The following SANBR variants were observed in gnomAD, a reference collection of about 807,000 sequenced individuals.
The protein encoded by SANBR is SANT and BTB domain regulator of class switch recombination.
A neutral mutation model predicts 101.8 loss-of-function variants in SANBR; 77 were observed. The ratio of observed to expected loss-of-function variants is 0.76; its 90% CI spans 0.63 to 0.91. The LOEUF (loss-of-function observed/expected upper bound fraction) is 0.91, where lower values mean the gene tolerates loss of function less well. Among genes scored for constraint, SANBR ranks in the 40% least tolerant of loss-of-function variants. SANBR has a pLI of 0.00. For synonymous variants in SANBR, 279 were observed against 274.7 expected (o/e 1.02, Z -0.15); for missense variants, 875 against 853.0 (o/e 1.03, Z -0.32).
At chr2:61,131,233 A>G (rs1353967452) in intron 20 of SANBR, among the ~76,000 whole-genome samples, 3 of 152,172 alleles carry the variant, frequency 2.0e-5, no homozygotes, top group East Asian at 3.9e-4. Context: ...CATAAAATGC[A>G]TCTAAATTGG....
At position 61,078,777 on chromosome 2, in the gene SANBR, A is replaced by G. The variant is rs562770698; in HGVS notation, c.670+1619A>G. ...TTTTAGGCAGGGCATGGTGGCTCAC[A>G]CTGGTAGTCCCAGCACTTTGACAGG... On this transcript the variant is annotated intron_variant, in intron 6 of 21. Transcript: ENST00000402291. Among the ~76,000 whole-genome samples the G allele has an allele frequency of 4.1e-4, 63 of 151,966 alleles. 1 individual carries two copies. In the South Asian group the frequency reaches 0.013, roughly 32 times the overall value.
intron 20 of SANBR, 113 bp downstream of exon 20, chr2:61,118,229 G>GTGTT (rs571068965): frequency 1.1e-4 from 78 of 697,726 alleles, no homozygotes; most frequent in Non-Finnish European, 1.3e-4. Context: ...AGTAATTTAT[G>GTGTT]TGTTTGTTTG....
At chr2:61,104,442 A>AT (rs1683449978) in intron 13 of SANBR, among the ~76,000 whole-genome samples, 2 of 151,464 alleles carry the variant, frequency 1.3e-5, no homozygotes, top group Non-Finnish European at 2.9e-5. Flanking sequence ...AGATCGTGCC[A>AT]CTGCACTCCA....
chr2:61,109,126 G>A lies in SANBR; in HGVS notation c.1645-71G>A, dbSNP rs578119032. On this transcript the variant is annotated intron_variant, in intron 15 of 21. Transcript: ENST00000402291. ...ACTGATTCATTCAAAAGAAATTTAG[G>A]TAAATATGTTTGAAAGAATTCAATA... 87 of 733,544 alleles carry A rather than the reference G, an allele frequency of 1.2e-4. No individual in the cohort carries two copies. In the African/African-American group the frequency reaches 1.3e-3, roughly 11 times the overall value. 45.4% of individuals were successfully genotyped at this position (733,544 alleles called of 1,614,324 possible). A position where few individuals can be genotyped will look rare whatever the true frequency, so the allele number is the denominator to read the frequency against.
At chr2:61,081,644 C>T in intron 7 of SANBR, 134 bp downstream of exon 7, 1 of 1,018,844 alleles carries the variant, frequency 9.8e-7, no homozygotes, top group Non-Finnish European at 1.4e-6. Flanking sequence ...ATTGTTAATT[C>T]AGGAATATAA....
chr2:61,092,938 C>G (rs1039000358), intron 11 of SANBR, among the ~76,000 whole-genome samples: 12 of 152,074 alleles, frequency 7.9e-5, no homozygotes, highest in Middle Eastern at 3.4e-3. Context: ...TCAAGACCAT[C>G]CTATCTAACA....
chr2:61,095,107 C>T (rs1682969676), intron 11 of SANBR, among the ~76,000 whole-genome samples: 1 of 152,158 alleles, frequency 6.6e-6, no homozygotes, highest in South Asian at 2.1e-4. Flanking sequence ...TTGATATAGT[C>T]AGGTTTGGGT....
At chr2:61,096,888 T>C (rs1173122306) in intron 11 of SANBR, among the ~76,000 whole-genome samples, 1 of 152,214 alleles carries the variant, frequency 6.6e-6, no homozygotes, top group Non-Finnish European at 1.5e-5. Flanking sequence ...GCATGGTGGC[T>C]CACGCCTGTA....
chr2:61,089,162 T>C, intron 10 of SANBR: 1 of 985,078 alleles, frequency 1.0e-6, no homozygotes, highest in Non-Finnish European at 1.2e-6. Context: ...AGGAAAATTG[T>C]CTTTAGCATT....
In SANBR at chr2:61,116,016, A is replaced by G. The variant is rs1463435274; in HGVS notation, c.1782A>G (p.Pro594=). The G allele has an allele frequency of 4.3e-6, 7 of 1,611,664 alleles. No homozygotes were observed. The highest frequency in any genetic ancestry group is 5.9e-6 in the Non-Finnish European group (7 of 1,178,906). ...KEKPKKFTRQ[P]KKQVSSPCAQ... is the part of the protein sequence containing the mutation. The stretch of plus-strand genomic sequence containing the variant: ...AGCCAAAGAAGTTCACTAGACAACC[A>G]AAAAAGCAGGTATCTTCACCCTGTG... The change falls in exon 17 of 22, where the codon CCA becomes CCG. Residue 594 remains proline (P), a synonymous_variant. Transcript: ENST00000402291.
chr2:61,098,152 G>A (rs1465964058), intron 12 of SANBR, among the ~76,000 whole-genome samples: 1 of 150,222 alleles, frequency 6.7e-6, no homozygotes, highest in African/African-American at 2.4e-5. Flanking sequence ...TGCCCAGGGT[G>A]GAGTGCAGTG....
At chr2:61,084,177 C>T (rs1161489608) in intron 8 of SANBR, among the ~76,000 whole-genome samples, 3 of 152,136 alleles carry the variant, frequency 2.0e-5, no homozygotes, top group Non-Finnish European at 4.4e-5. Flanking sequence ...TGGTCTTGAA[C>T]TCCTGGGCTC....
chr2:61,125,652 T>G (rs1239346243), downstream of SANBR, among the ~76,000 whole-genome samples: 1 of 152,324 alleles, frequency 6.6e-6, no homozygotes, highest in East Asian at 1.9e-4. Flanking sequence ...AGTTTGCTTC[T>G]TACTATTTGT....
chr2:61,125,852 A>G (rs1165829733), downstream of SANBR, among the ~76,000 whole-genome samples: 3 of 152,114 alleles, frequency 2.0e-5, no homozygotes, highest in Non-Finnish European at 4.4e-5. Context: ...ACATTCAGTG[A>G]GGCATAGTAA....
In SANBR at chr2:61,123,332, C is replaced by T; in HGVS notation, c.*1170C>T. On this transcript the variant is annotated 3_prime_UTR_variant, in exon 22 of 22. Coordinates refer to ENST00000402291, the MANE Select transcript of SANBR (RefSeq NM_001129993.3). ...ATAATGTGTGACAAAAGAGCAATTTCCATTGAAATATTGAAGTGTTACACT... is the reference window on the plus strand; with the variant it reads ...ATAATGTGTGACAAAAGAGCAATTTTCATTGAAATATTGAAGTGTTACACT... The T allele has an allele frequency of 1.0e-6, 1 of 978,056 alleles. No homozygotes were observed. The highest frequency in any genetic ancestry group is 1.2e-6 in the Non-Finnish European group (1 of 823,264). The allele number at this position is 978,056 out of a possible 1,614,324, so 60.6% of individuals were successfully genotyped here.
At chr2:61,079,247 G>T (rs1407928819) in intron 6 of SANBR, among the ~76,000 whole-genome samples, 1 of 152,104 alleles carries the variant, frequency 6.6e-6, no homozygotes, top group Non-Finnish European at 1.5e-5. Context: ...GAGATCAAAA[G>T]TTCAAGAGCC....
intron 14 of SANBR, among the ~76,000 whole-genome samples, chr2:61,107,469 T>G (rs1352660442): frequency 1.3e-5 from 2 of 152,230 alleles, no homozygotes; most frequent in Non-Finnish European, 1.5e-5. Context: ...GACTCCTTTT[T>G]ATTCCTTTGC....
At chr2:61,103,717 A>T in intron 12 of SANBR, 136 bp from the exon 13 acceptor site, 1 of 722,598 alleles carries the variant, frequency 1.4e-6, no homozygotes, top group Non-Finnish European at 2.3e-6. Flanking sequence ...TTTCTGTATG[A>T]GGAATGTTTT....
chr2:61,075,419 G>A (rs1681715040), intron 5 of SANBR, among the ~76,000 whole-genome samples: 1 of 151,768 alleles, frequency 6.6e-6, no homozygotes, highest in African/African-American at 2.4e-5. Context: ...CACCATGCCG[G>A]CTAATTTTTA....
Sources: gnomAD v4.1 joint callset for allele counts (sites outside exome capture counted in the v4.1 genomes callset) on GRCh38, gnomAD v4.1.1 for gene constraint, MANE v1.5 for transcripts, NCBI Gene and HGNC (gene_info 2026-07-23, HGNC 2026-07-21) for gene names.